The following CHD9 variants were observed in gnomAD, a reference collection of about 807,000 sequenced individuals.
The protein encoded by CHD9 is chromodomain helicase DNA binding protein 9, also known as ATP-dependent chromatin remodeler CHD9.
CHD9 carries 77 observed loss-of-function variants against 316.1 expected under a neutral mutation model. The observed-to-expected ratio is 0.24, with a 90% CI of 0.20 to 0.29. The LOEUF is 0.29. Ranked by LOEUF, CHD9 falls within the 10% of genes least tolerant of loss-of-function variation. The pLI, the probability that CHD9 is intolerant of heterozygous loss-of-function variation, is 1.00. For synonymous variants in CHD9, 1,129 were observed against 1,158.3 expected, an observed-to-expected ratio of 0.97 and a Z score of 0.51; for missense variants, 2,763 against 3,438.1, an observed-to-expected ratio of 0.80 and a Z score of 4.91.
At chr16:53,314,298 T>C (rs1472667210) in intron 34 of CHD9, 79 bp from the exon 35 acceptor site, 2 of 1,016,834 alleles carry the variant, frequency 2.0e-6, no homozygotes, top group Admixed American at 6.3e-5. Context: ...AACACTTTCA[T>C]ATATTTAGGA....
At chr16:53,317,113 T>A (rs1306567806) in intron 36 of CHD9, among the ~76,000 whole-genome samples, 1 of 147,010 alleles carries the variant, frequency 6.8e-6, no homozygotes, top group Non-Finnish European at 1.5e-5. Context: ...GGAGAATCTC[T>A]TGAACCCGGG....
chr16:53,222,742 A>G lies in CHD9; in HGVS notation c.1883A>G (p.Asp628Gly). The G allele has an allele frequency of 6.6e-7, 1 of 1,512,900 alleles. No homozygotes were observed. The highest frequency in any genetic ancestry group is 9.1e-7 in the Non-Finnish European group (1 of 1,104,568). The allele number at this position is 1,512,900 out of a possible 1,614,324, so 93.7% of individuals were successfully genotyped here. Residue 628 changes from aspartate (D) to glycine (G), a missense_variant, in exon 4 of 39, where the codon GAT becomes GGT. Coordinates refer to ENST00000447540, the MANE Select transcript of CHD9 (RefSeq NM_001308319.2). ...CAGATGCCACAGCATACATTAAAAGATCAAGACTCTCAAGTGAGTATTACA... is the reference window on the plus strand; with the variant it reads ...CAGATGCCACAGCATACATTAAAAGGTCAAGACTCTCAAGTGAGTATTACA... The part of the protein sequence containing the change: ...AEQMPQHTLK[D>G]QDSQKRRSNR...
intron 2 of CHD9, among the ~76,000 whole-genome samples, chr16:53,178,859 G>A (rs926520210): frequency 2.0e-5 from 3 of 152,116 alleles, no homozygotes; most frequent in Admixed American, 6.6e-5. Flanking sequence ...ACTTTAAATT[G>A]AAATTGGGCC....
intron 1 of CHD9, among the ~76,000 whole-genome samples, chr16:53,139,037 AT>A (rs577555794): frequency 4.7e-4 from 71 of 150,104 alleles, no homozygotes; most frequent in South Asian, 4.2e-4. Flanking sequence ...GCTAGATGGA[AT>A]TTTTTTTTTG....
chr16:53,139,275 T>A (rs944488353), intron 1 of CHD9, among the ~76,000 whole-genome samples: 7 of 152,040 alleles, frequency 4.6e-5, no homozygotes, highest in South Asian at 4.1e-4. Context: ...TACAGTGAGA[T>A]AGCCTAATAA....
intron 1 of CHD9, among the ~76,000 whole-genome samples, chr16:53,100,690 G>C (rs965453306): frequency 6.6e-6 from 1 of 152,090 alleles, no homozygotes; most frequent in African/African-American, 2.4e-5. Context: ...GAACTCCTGG[G>C]CTCAAGCAAT....
At chr16:53,266,479 C>T (rs1372395834) in intron 20 of CHD9, among the ~76,000 whole-genome samples, 3 of 152,300 alleles carry the variant, frequency 2.0e-5, no homozygotes, top group Non-Finnish European at 4.4e-5. Flanking sequence ...TCTTCCCTCA[C>T]TGCCTGGCAA....
At chr16:53,264,343 G>T (rs904832305) in intron 20 of CHD9, among the ~76,000 whole-genome samples, 1 of 152,000 alleles carries the variant, frequency 6.6e-6, no homozygotes, top group African/African-American at 2.4e-5. Flanking sequence ...GATACTCATT[G>T]CAGCATTTTT....
chr16:53,131,050 G>T, intron 1 of CHD9: 1 of 78,188 alleles, frequency 1.3e-5, no homozygotes, highest in Non-Finnish European at 2.7e-5. Context: ...GGGCCTGGCC[G>T]CGCAGCCGGT....
chr16:53,081,331 A>G (rs1193414464), intron 1 of CHD9, among the ~76,000 whole-genome samples: 1 of 152,218 alleles, frequency 6.6e-6, no homozygotes, highest in African/African-American at 2.4e-5. Flanking sequence ...TTGCATAACA[A>G]CTATGCAGTT....
rs1006429129 is a variant in CHD9 at position 53,326,964 on chromosome 16, T to C, written c.*2069T>C. ...AGAGAAAGTATTTTCCTAATTATGG[T>C]CAAATAAATTTGGTTAACATCCTAG... On this transcript the variant is annotated 3_prime_UTR_variant, in exon 39 of 39. Coordinates refer to ENST00000447540, the MANE Select transcript of CHD9 (RefSeq NM_001308319.2). 3 of 152,438 alleles carry C rather than the reference T, an allele frequency of 2.0e-5. No individual in the cohort carries two copies. Among genetic ancestry groups the C allele is most frequent in the Admixed American group, 6.6e-5 (1 of 15,248 alleles). The allele number at this position is 152,438 out of a possible 1,614,324, so 9.4% of individuals were successfully genotyped here. A position where few individuals can be genotyped will look rare whatever the true frequency, so the allele number is the denominator to read the frequency against.
intron 1 of CHD9, 87 bp from the exon 2 acceptor site, chr16:53,155,838 CT>C (rs1191396388): frequency 2.4e-6 from 1 of 425,240 alleles, no homozygotes; most frequent in Admixed American, 4.2e-5. Flanking sequence ...ACCTCTTTCA[CT>C]TAGCATAATG....
chr16:53,157,864 C>T (rs1187329095), intron 2 of CHD9, among the ~76,000 whole-genome samples: 1 of 151,918 alleles, frequency 6.6e-6, no homozygotes, highest in Admixed American at 6.6e-5. Flanking sequence ...AAGGGAAAAA[C>T]CAGACTGGGA....
chr16:53,280,414 G>A (rs2053294195), intron 24 of CHD9, among the ~76,000 whole-genome samples: 1 of 152,016 alleles, frequency 6.6e-6, no homozygotes, highest in African/African-American at 2.4e-5. Context: ...TCTAAGTGAA[G>A]TAACTCAGGA....
At chr16:53,186,954 G>T (rs1022886919) in intron 2 of CHD9, among the ~76,000 whole-genome samples, 1 of 152,186 alleles carries the variant, frequency 6.6e-6, no homozygotes, top group African/African-American at 2.4e-5. Flanking sequence ...GTGTCAGGCA[G>T]TTCTTTATAG....
chr16:53,274,075 TAA>T (rs2052555547), intron 23 of CHD9, 136 bp from the exon 24 acceptor site: 1 of 667,318 alleles, frequency 1.5e-6, no homozygotes, highest in African/African-American at 1.8e-5. Context: ...ATGGTAGTAA[TAA>T]GATTCATTTA....
At chr16:53,104,986 T>TC (rs2037202717) in intron 1 of CHD9, among the ~76,000 whole-genome samples, 1 of 132,378 alleles carries the variant, frequency 7.6e-6, no homozygotes, top group Admixed American at 7.5e-5. Flanking sequence ...ACTGGCTAAT[T>TC]AAAAAAAAAC....
At chr16:53,149,574 C>G (rs998371695) in intron 1 of CHD9, among the ~76,000 whole-genome samples, 16 of 142,146 alleles carry the variant, frequency 1.1e-4, no homozygotes, top group Admixed American at 1.1e-3. Context: ...TCGTACCCAG[C>G]CATTTTTTTT....
intron 11 of CHD9, among the ~76,000 whole-genome samples, chr16:53,236,469 ACTTATCCTT>A (rs1186027207): frequency 1.3e-5 from 2 of 151,870 alleles, no homozygotes; most frequent in Non-Finnish European, 2.9e-5. Context: ...TACTTCAATC[ACTTATCCTT>A]CTCTTTTATA....
Sources: gnomAD v4.1 joint callset for allele counts (sites outside exome capture counted in the v4.1 genomes callset) on GRCh38, gnomAD v4.1.1 for gene constraint, MANE v1.5 for transcripts, NCBI Gene and HGNC (gene_info 2026-07-23, HGNC 2026-07-21) for gene names.